The following METRN variants were observed in gnomAD, a reference collection of about 807,000 sequenced individuals.
The protein encoded by METRN is meteorin.
In METRN, 17 loss-of-function variants were observed where a neutral mutation model predicts 17.4. The ratio of observed to expected loss-of-function variants is 0.98; its 90% CI spans 0.67 to 1.46. The LOEUF is 1.46. METRN is among the 40% of genes most tolerant of loss of function. The pLI is 0.00. For synonymous variants in METRN, 230 were observed against 210.8 expected, an observed-to-expected ratio of 1.09 and a Z score of -0.79; for missense variants, 489 against 456.2, an observed-to-expected ratio of 1.07 and a Z score of -0.65.
At position 715,803 on chromosome 16, in the gene METRN, C is replaced by A; in HGVS notation, c.324C>A (p.Ala108=). Residue 108 remains alanine, a synonymous_variant, in exon 2 of 4, where the codon GCC becomes GCA. Transcript: ENST00000568223. ...GGGGCGCCCTGGAGCTGCTGCTGGC[C>A]GAGGGCCCGGGCCCGGCAGGGGGCC... is the stretch of plus-strand genomic sequence containing the variant. The part of the protein sequence containing the change: ...RAGGALELLL[A]EGPGPAGGRC... 1 of 1,259,012 alleles carries A rather than the reference C, an allele frequency of 7.9e-7. No homozygotes were observed. Among genetic ancestry groups the A allele is most frequent in the Non-Finnish European group, 1.0e-6 (1 of 1,004,832 alleles). 78.0% of individuals were successfully genotyped at this position (1,259,012 alleles called of 1,614,324 possible). A position where few individuals can be genotyped will look rare whatever the true frequency, so the allele number is the denominator to read the frequency against.
Position 717,422 on chromosome 16 carries a change from A to AG in METRN, c.*38dup, listed in dbSNP as rs868598236. ...TGCTGGGGAGGGGCTGGTAGGAGGG[A>AG]GGGTGGGCCCACTGCTTTGGAGGTG... On this transcript the variant is annotated 3_prime_UTR_variant, in exon 4 of 4. Transcript: ENST00000568223. 19 of 614,710 alleles carry AG rather than the reference A, an allele frequency of 3.1e-5. No individual in the cohort carries two copies. The highest frequency in any genetic ancestry group is 1.9e-4 in the East Asian group (4 of 21,222). 38.1% of individuals were successfully genotyped at this position (614,710 alleles called of 1,614,324 possible).
chr16:715,280 C>T lies in METRN; in HGVS notation c.-10C>T. ...AGAGCCCCGACTCCCCGGACGCCGC[C>T]CGCCGTGCCATGGGGTTCCCGGCCG... On this transcript the variant is annotated 5_prime_UTR_variant, in exon 1 of 4. Coordinates refer to ENST00000568223, the MANE Select transcript of METRN (RefSeq NM_024042.4). 7.6e-7 allele frequency: 1 copy of T among 1,310,274 alleles called. No individual in the cohort carries two copies. Among genetic ancestry groups the T allele is most frequent in the Non-Finnish European group, 9.7e-7 (1 of 1,025,924 alleles). The allele number at this position is 1,310,274 out of a possible 1,614,324, so 81.2% of individuals were successfully genotyped here.
Position 717,310 on chromosome 16 carries a change from C to A in METRN, c.805C>A (p.Arg269=). ...GGAGGCCCGGCTGGGCTGTGCCCCA[C>A]GATTCCAGGAGTTCCGCCGTGCCTA... ...FGEARLGCAP[R]FQEFRRAYEA... The change falls in exon 4 of 4, where the codon CGA becomes AGA. Residue 269 remains arginine (R), a synonymous_variant. Transcript: ENST00000568223. 1 of 1,519,996 alleles carries A rather than the reference C, an allele frequency of 6.6e-7. No homozygotes were observed. Among genetic ancestry groups the A allele is most frequent in the Non-Finnish European group, 8.8e-7 (1 of 1,135,814 alleles). The allele number at this position is 1,519,996 out of a possible 1,614,324, so 94.2% of individuals were successfully genotyped here.
rs1191451890 is a variant in METRN, at chr16:719,584, G to A, written c.*2197G>A. 1.3e-5 allele frequency: 2 copies of A among 152,238 alleles called. No individual in the cohort carries two copies. Among genetic ancestry groups the A allele is most frequent in the East Asian group, 3.9e-4 (2 of 5,164 alleles). The allele number at this position is 152,238 out of a possible 1,614,324, so 9.4% of individuals were successfully genotyped here. A position where few individuals can be genotyped will look rare whatever the true frequency, so the allele number is the denominator to read the frequency against. On this transcript the variant is annotated 3_prime_UTR_variant, in exon 4 of 4. Coordinates refer to ENST00000568223, the MANE Select transcript of METRN (RefSeq NM_024042.4). ...GGAGGCCCAGGCAAGCAGATCATGA[G>A]GTCAGGAGATGGAGACCATCCTGGC...
At position 715,802 on chromosome 16, in the gene METRN, C is replaced by T. The variant is rs2040156011; in HGVS notation, c.323C>T (p.Ala108Val). 1 of 1,259,096 alleles carries T rather than the reference C, an allele frequency of 7.9e-7. No individual in the cohort carries two copies. Among genetic ancestry groups the T allele is most frequent in the Non-Finnish European group, 1.0e-6 (1 of 1,004,868 alleles). The allele number at this position is 1,259,096 out of a possible 1,614,324, so 78.0% of individuals were successfully genotyped here. Residue 108 changes from alanine (A) to valine (V), a missense_variant, in exon 2 of 4, where the codon GCC becomes GTC. Ala to Val is a moderately conservative substitution (Grantham distance 64). Transcript: ENST00000568223. The part of the protein sequence containing the change: ...RAGGALELLL[A>V]EGPGPAGGRC... ...GGGGGCGCCCTGGAGCTGCTGCTGG[C>T]CGAGGGCCCGGGCCCGGCAGGGGGC...
At chr16:716,639 G>A in intron 2 of METRN, 1 of 1,535,408 alleles carries the variant, frequency 6.5e-7, no homozygotes, top group South Asian at 1.2e-5. Flanking sequence ...AGATGGGAGT[G>A]CAGGAGGGCG....
In METRN at chr16:719,566, C is replaced by G. The variant is rs743987; in HGVS notation, c.*2179C>G. On this transcript the variant is annotated 3_prime_UTR_variant, in exon 4 of 4. Coordinates refer to ENST00000568223, the MANE Select transcript of METRN (RefSeq NM_024042.4). ...TGTAATCCCAACACTTTGGGAGGCC[C>G]AGGCAAGCAGATCATGAGGTCAGGA... The G allele has an allele frequency of 0.24, 36,678 of 152,006 alleles. 5,257 individuals carry two copies. Among genetic ancestry groups the G allele is most frequent in the East Asian group, 0.58 (2,960 of 5,136 alleles). 9.4% of individuals were successfully genotyped at this position (152,006 alleles called of 1,614,324 possible).
At chr16:716,494 C>T (rs961116143) in intron 2 of METRN, 3 of 1,485,634 alleles carry the variant, frequency 2.0e-6, no homozygotes, top group Non-Finnish European at 2.7e-6. Flanking sequence ...CGCTATTCTG[C>T]CCCCTGGCCC....
In METRN at chr16:718,939, T is replaced by A. The variant is rs2040183760; in HGVS notation, c.*1552T>A. 6.6e-6 allele frequency: 1 copy of A among 152,282 alleles called. No individual in the cohort carries two copies. The allele number at this position is 152,282 out of a possible 1,614,324, so 9.4% of individuals were successfully genotyped here. On this transcript the variant is annotated 3_prime_UTR_variant, in exon 4 of 4. Transcript: ENST00000568223. Reference sequence around the variant, plus strand: ...TCCATCTGCCCCCAGCCCAAACACTTCTGCAAACACTAGAAAAGGAGGTAG... The same window carrying A: ...TCCATCTGCCCCCAGCCCAAACACTACTGCAAACACTAGAAAAGGAGGTAG...
At position 715,722 on chromosome 16, in the gene METRN, C is replaced by G; in HGVS notation, c.243C>G (p.Ala81=). 2 of 1,356,704 alleles carry G rather than the reference C, an allele frequency of 1.5e-6. No individual in the cohort carries two copies. The highest frequency in any genetic ancestry group is 1.9e-6 in the Non-Finnish European group (2 of 1,058,374). 84.0% of individuals were successfully genotyped at this position (1,356,704 alleles called of 1,614,324 possible). ...ATCCCAGAGCGCGGCCCGGCATCGC[C>G]TGTCTGCGGCCGGTGCGGCCCTTCG... The part of the protein sequence containing the change: ...GPDPRARPGI[A]CLRPVRPFAG... The change falls in exon 2 of 4, where the codon GCC becomes GCG. Residue 81 remains alanine, a synonymous_variant. Coordinates refer to ENST00000568223, the MANE Select transcript of METRN (RefSeq NM_024042.4).
chr16:717,411 T>C lies in METRN; in HGVS notation c.*24T>C. 9.0e-7 allele frequency: 1 copy of C among 1,106,368 alleles called. No individual in the cohort carries two copies. The highest frequency in any genetic ancestry group is 1.9e-5 in the South Asian group (1 of 52,056). The allele number at this position is 1,106,368 out of a possible 1,614,324, so 68.5% of individuals were successfully genotyped here. On this transcript the variant is annotated 3_prime_UTR_variant, in exon 4 of 4. Coordinates refer to ENST00000568223, the MANE Select transcript of METRN (RefSeq NM_024042.4). Reference sequence around the variant, plus strand: ...GAGGGGCTGGGTGCTGGGGAGGGGCTGGTAGGAGGGAGGGTGGGCCCACTG... The same window carrying C: ...GAGGGGCTGGGTGCTGGGGAGGGGCCGGTAGGAGGGAGGGTGGGCCCACTG...
rs1229477230 is a variant in METRN at position 716,991 on chromosome 16, C to T, written c.564C>T (p.Phe188=). 10 of 1,606,954 alleles carry T rather than the reference C, an allele frequency of 6.2e-6. No homozygotes were observed. The East Asian group carries it at 6.7e-5, about 11-fold the overall frequency. The change falls in exon 3 of 4, where the codon TTC becomes TTT. Residue 188 remains phenylalanine, a splice_region_variant and synonymous_variant. Transcript: ENST00000568223. ...ELLLAACTSD[F]VIHGIIHGVT... is the part of the protein sequence containing the mutation. ...TCCTGGCCGCATGCACCAGCGACTT[C>T]GGTGAGTGTCCCCGCCATGGGGGGA...
In METRN at chr16:715,268, C is replaced by T; in HGVS notation, c.-22C>T. 6.2e-6 allele frequency: 8 copies of T among 1,281,604 alleles called. No homozygotes were observed. Among genetic ancestry groups the T allele is most frequent in the Non-Finnish European group, 7.9e-6 (8 of 1,008,820 alleles). The allele number at this position is 1,281,604 out of a possible 1,614,324, so 79.4% of individuals were successfully genotyped here. A position where few individuals can be genotyped will look rare whatever the true frequency, so the allele number is the denominator to read the frequency against. ...GCAGCGGTGGTGAGAGCCCCGACTC[C>T]CCGGACGCCGCCCGCCGTGCCATGG... is the stretch of plus-strand genomic sequence containing the variant. On this transcript the variant is annotated 5_prime_UTR_variant, in exon 1 of 4. Transcript: ENST00000568223.
chr16:715,581 C>A lies in METRN; in HGVS notation c.105-3C>A. 7.4e-7 allele frequency: 1 copy of A among 1,350,764 alleles called. No homozygotes were observed. The highest frequency in any genetic ancestry group is 3.1e-5 in the East Asian group (1 of 32,290). The allele number at this position is 1,350,764 out of a possible 1,614,324, so 83.7% of individuals were successfully genotyped here. A position where few individuals can be genotyped will look rare whatever the true frequency, so the allele number is the denominator to read the frequency against. The stretch of plus-strand genomic sequence containing the variant: ...TCAGCGCCCCGTCCCGTCCTGTCCC[C>A]AGCGGCCTCACCCAGGAGCCCGGCA... On this transcript the variant is annotated splice_polypyrimidine_tract_variant and splice_region_variant and intron_variant, in intron 1 of 3. Transcript: ENST00000568223.
In METRN at chr16:717,493, C is replaced by T; in HGVS notation, c.*106C>T. 2.7e-6 allele frequency: 3 copies of T among 1,113,388 alleles called. No individual in the cohort carries two copies. The highest frequency in any genetic ancestry group is 3.6e-6 in the Non-Finnish European group (3 of 841,728). The allele number at this position is 1,113,388 out of a possible 1,614,324, so 69.0% of individuals were successfully genotyped here. On this transcript the variant is annotated 3_prime_UTR_variant, in exon 4 of 4. Transcript: ENST00000568223. ...TCTGTTCACGCAAGCTGCTGTGGAC[C>T]TGGTCTCCTGTGTCCAGCCCAGCCT...
In METRN at chr16:715,391, C is replaced by A; in HGVS notation, c.102C>A (p.Gly34=). The A allele has an allele frequency of 1.5e-6, 2 of 1,318,892 alleles. No individual in the cohort carries two copies. Among genetic ancestry groups the A allele is most frequent in the South Asian group, 2.0e-5 (1 of 50,514 alleles). The allele number at this position is 1,318,892 out of a possible 1,614,324, so 81.7% of individuals were successfully genotyped here. ...GYSEERCSWR[G]SGLTQEPGSV... ...CCGAGGAGCGCTGCAGCTGGAGGGG[C>A]AGGTACGGTCCGGGGGGCTGTCCCC... The change falls in exon 1 of 4, where the codon GGC becomes GGA. Residue 34 remains glycine (G), a splice_region_variant and synonymous_variant. Transcript: ENST00000568223.
In METRN at chr16:715,599, G is replaced by T. The variant is rs769133537; in HGVS notation, c.120G>T (p.Glu40Asp). Residue 40 changes from glutamate (E) to aspartate (D), a missense_variant, in exon 2 of 4, where the codon GAG becomes GAT. Physicochemically the swap from Glu to Asp is conservative, Grantham distance 45. Coordinates refer to ENST00000568223, the MANE Select transcript of METRN (RefSeq NM_024042.4). ...CTGTCCCCAGCGGCCTCACCCAGGA[G>T]CCCGGCAGCGTGGGGCAGCTGGCCC... ...CSWRGSGLTQ[E>D]PGSVGQLALA... 1 of 1,390,058 alleles carries T rather than the reference G, an allele frequency of 7.2e-7. No homozygotes were observed. Among genetic ancestry groups the T allele is most frequent in the East Asian group, 3.0e-5 (1 of 32,840 alleles). The allele number at this position is 1,390,058 out of a possible 1,614,324, so 86.1% of individuals were successfully genotyped here. A position where few individuals can be genotyped will look rare whatever the true frequency, so the allele number is the denominator to read the frequency against.
In METRN at chr16:715,457, C is replaced by T. The variant is rs560570478; in HGVS notation, c.104+64C>T. ...TGCGCTGCGGCTAGGACCCCCCAGGCGCCCCTCGGAGCGCGCAGAGCGCTG... is the reference window on the plus strand; with the variant it reads ...TGCGCTGCGGCTAGGACCCCCCAGGTGCCCCTCGGAGCGCGCAGAGCGCTG... On this transcript the variant is annotated intron_variant, in intron 1 of 3. Transcript: ENST00000568223. 4.8e-4 allele frequency: 605 copies of T among 1,258,124 alleles called. 5 individuals are homozygous for T. The African/African-American group carries it at 7.9e-3, about 16-fold the overall frequency. 77.9% of individuals were successfully genotyped at this position (1,258,124 alleles called of 1,614,324 possible).
rs2040166074 is a variant in METRN, at chr16:716,942, G to A, written c.515G>A (p.Arg172Lys). 1.3e-6 allele frequency: 2 copies of A among 1,561,802 alleles called. No individual in the cohort carries two copies. The highest frequency in any genetic ancestry group is 8.7e-7 in the Non-Finnish European group (1 of 1,151,580). ...CCCCTCTGCATGCCAGGTGCCTGCA[G>A]GCCCTGCAGCGACGCTGAGCTGCTC... is the stretch of plus-strand genomic sequence containing the variant. ...AHGLGVDGAC[R>K]PCSDAELLLA... is the part of the protein sequence containing the mutation. Residue 172 changes from arginine to lysine, a missense_variant, in exon 3 of 4, where the codon AGG (arginine) becomes AAG (lysine). Coordinates refer to ENST00000568223, the MANE Select transcript of METRN (RefSeq NM_024042.4).
Sources: allele counts gnomAD v4.1 joint callset, GRCh38; gene constraint gnomAD v4.1.1; transcripts MANE v1.5; gene names NCBI Gene and HGNC (gene_info 2026-07-23, HGNC 2026-07-21).